The following ATP8A1 variants were observed in gnomAD, a reference collection of about 807,000 sequenced individuals.
The protein encoded by ATP8A1 is phospholipid-transporting ATPase IA.
ATP8A1 carries 90 observed loss-of-function variants against 177.7 expected under a neutral mutation model. The observed-to-expected ratio is 0.51, with a 90% CI of 0.43 to 0.60. The LOEUF is 0.60. Among genes scored for constraint, ATP8A1 ranks in the 20% least tolerant of loss-of-function variants. The pLI, the probability that ATP8A1 is intolerant of heterozygous loss-of-function variation, is 0.00. For missense variants in ATP8A1, 1,072 were observed against 1,392.8 expected (o/e 0.77, Z 3.67); for synonymous variants, 493 against 485.9 (o/e 1.01, Z -0.19).
At chr4:42,570,693 C>G (rs1731815997) in intron 14 of ATP8A1, among the ~76,000 whole-genome samples, 1 of 152,200 alleles carries the variant, frequency 6.6e-6, no homozygotes, top group African/African-American at 2.4e-5. Context: ...ATGCAAGTTT[C>G]CCTGTTATTG....
rs764565436 is a variant in ATP8A1, at chr4:42,600,445, T to C, written c.450+33A>G. The C allele has an allele frequency of 1.9e-6, 3 of 1,587,228 alleles. No homozygotes were observed. In the South Asian group the frequency reaches 3.5e-5, roughly 18 times the overall value. The stretch of plus-strand genomic sequence containing the variant: ...ACTAGAGTACACCGCTATGTATTTC[T>C]TCTCCTGGAACAAAATAAAAATCAG... On this transcript the variant is annotated intron_variant, in intron 6 of 36. Transcript: ENST00000381668.
chr4:42,540,451 A>C (rs1174809636), intron 20 of ATP8A1, among the ~76,000 whole-genome samples: 1 of 152,040 alleles, frequency 6.6e-6, no homozygotes, highest in Admixed American at 6.6e-5. Context: ...AAAAAAAATC[A>C]ATATATCAAA....
At chr4:42,413,713 T>A (rs553294982) in intron 36 of ATP8A1, among the ~76,000 whole-genome samples, 1 of 152,212 alleles carries the variant, frequency 6.6e-6, no homozygotes, top group African/African-American at 2.4e-5. Context: ...TTTTGTGAAT[T>A]TTTTTTTCCC....
Position 42,528,396 on chromosome 4 carries a change from G to T in ATP8A1, c.1723-3549C>A, listed in dbSNP as rs190459327. Reference sequence around the variant, plus strand: ...TGCCACCATCAAGGACTTGAAAGACGCAGGGGTGGTGATTCCCACCACATC... The same window carrying T: ...TGCCACCATCAAGGACTTGAAAGACTCAGGGGTGGTGATTCCCACCACATC... On this transcript the variant is annotated intron_variant, in intron 20 of 36. Coordinates refer to ENST00000381668, the MANE Select transcript of ATP8A1 (RefSeq NM_006095.2). 7.2e-5 allele frequency among the ~76,000 whole-genome samples: 11 copies of T among 152,270 alleles called. No homozygotes were observed. In the East Asian group the frequency reaches 1.2e-3, roughly 16 times the overall value.
intron 14 of ATP8A1, 127 bp downstream of exon 14, chr4:42,574,492 G>A: frequency 1.4e-6 from 1 of 708,608 alleles, no homozygotes; most frequent in East Asian, 3.0e-5. Flanking sequence ...AATTATAACA[G>A]CTGCTTTTCA....
At chr4:42,470,660 AT>A (rs1186161088) in intron 25 of ATP8A1, among the ~76,000 whole-genome samples, 4 of 152,192 alleles carry the variant, frequency 2.6e-5, no homozygotes, top group Non-Finnish European at 4.4e-5. Context: ...AAAAATTACT[AT>A]GAAGTTGCCT....
At chr4:42,525,484 A>T (rs17593044) in intron 20 of ATP8A1, among the ~76,000 whole-genome samples, 20,314 of 152,226 alleles carry the variant, frequency 0.13, 1,711 homozygotes, top group East Asian at 0.26. Flanking sequence ...GAAATGCCTT[A>T]AATAGCTGAA....
chr4:42,424,478 A>G (rs532402714), intron 33 of ATP8A1, among the ~76,000 whole-genome samples: 29 of 152,286 alleles, frequency 1.9e-4, no homozygotes, highest in African/African-American at 5.3e-4. Context: ...TTAAATCCAT[A>G]TATGTATTGT....
chr4:42,524,590 A>G (rs2153199362), intron 21 of ATP8A1, among the ~76,000 whole-genome samples, 173 bp downstream of exon 21: 1 of 152,310 alleles, frequency 6.6e-6, no homozygotes, highest in Non-Finnish European at 1.5e-5. Context: ...AGTTTTAGGA[A>G]AGTAAAATAA....
chr4:42,426,830 A>G (rs1714678285), intron 33 of ATP8A1, among the ~76,000 whole-genome samples: 1 of 152,234 alleles, frequency 6.6e-6, no homozygotes, highest in South Asian at 2.1e-4. Context: ...AAACGCAATG[A>G]TGAAACATAG....
intron 25 of ATP8A1, among the ~76,000 whole-genome samples, chr4:42,474,090 C>T (rs1720791572): frequency 6.6e-6 from 1 of 152,132 alleles, no homozygotes; most frequent in African/African-American, 2.4e-5. Flanking sequence ...CAATTGGTCG[C>T]ACAGACTATT....
intron 15 of ATP8A1, among the ~76,000 whole-genome samples, chr4:42,565,609 A>G (rs545199018): frequency 1.3e-5 from 2 of 152,350 alleles, no homozygotes; most frequent in Middle Eastern, 6.8e-3. Context: ...ATTATCAACA[A>G]GAATAATGTG....
intron 14 of ATP8A1, among the ~76,000 whole-genome samples, chr4:42,571,979 T>C (rs552639542): frequency 6.6e-6 from 1 of 152,212 alleles, no homozygotes; most frequent in Non-Finnish European, 1.5e-5. Context: ...CTAGGAATTA[T>C]ACTATCAGGA....
At chr4:42,600,636 T>C (rs1350297159) in intron 5 of ATP8A1, 118 bp from the exon 6 acceptor site, 3 of 846,496 alleles carry the variant, frequency 3.5e-6, no homozygotes, top group East Asian at 5.5e-5. Flanking sequence ...GCAATTTTTA[T>C]AGGTTAAAAT....
At chr4:42,491,944 G>A (rs1409801820) in intron 24 of ATP8A1, among the ~76,000 whole-genome samples, 1 of 152,180 alleles carries the variant, frequency 6.6e-6, no homozygotes, top group Non-Finnish European at 1.5e-5. Context: ...TCGTTAGCCA[G>A]GGGTTCACAG....
At chr4:42,621,392 C>G (rs1024520602) in intron 4 of ATP8A1, among the ~76,000 whole-genome samples, 1 of 152,162 alleles carries the variant, frequency 6.6e-6, no homozygotes, top group African/African-American at 2.4e-5. Flanking sequence ...TAAATTGGAG[C>G]GTTCTAAATT....
At position 42,615,182 on chromosome 4, in the gene ATP8A1, T is replaced by A. The variant is rs991802563; in HGVS notation, c.409+851A>T. On this transcript the variant is annotated intron_variant, in intron 5 of 36. Transcript: ENST00000381668. ...TACTCTCAGTAAATATTTTGCAAATTTATTAATTAGTAAATATATCATCCT... is the reference window on the plus strand; with the variant it reads ...TACTCTCAGTAAATATTTTGCAAATATATTAATTAGTAAATATATCATCCT... Among the ~76,000 whole-genome samples the A allele has an allele frequency of 4.6e-5, 7 of 152,344 alleles. No homozygotes were observed. The East Asian group carries it at 1.3e-3, about 29-fold the overall frequency.
chr4:42,513,524 T>C (rs933188255), intron 22 of ATP8A1, among the ~76,000 whole-genome samples: 2 of 151,408 alleles, frequency 1.3e-5, no homozygotes, highest in African/African-American at 4.9e-5. Flanking sequence ...TGGGGAGAGG[T>C]GGGGAAGGAT....
chr4:42,633,323 G>C (rs1338369802), intron 1 of ATP8A1, among the ~76,000 whole-genome samples: 5 of 152,188 alleles, frequency 3.3e-5, no homozygotes, highest in Admixed American at 2.6e-4. Context: ...TAGTATAAGT[G>C]AAAGGCTTCT....
Sources: allele counts gnomAD v4.1 joint callset (sites outside exome capture counted in the v4.1 genomes callset), GRCh38; gene constraint gnomAD v4.1.1; transcripts MANE v1.5; gene names NCBI Gene and HGNC (gene_info 2026-07-23, HGNC 2026-07-21).